TUSC3: variants seen among roughly 807,000 people sequenced by gnomAD.
TUSC3 encodes tumor suppressor candidate 3.
A neutral mutation model predicts 44.8 loss-of-function variants in TUSC3; 45 were observed. The ratio of observed to expected loss-of-function variants is 1.00; its 90% CI spans 0.79 to 1.29. The LOEUF (loss-of-function observed/expected upper bound fraction) is 1.29, where lower values mean the gene tolerates loss of function less well. TUSC3 is among the 50% of genes most tolerant of loss of function. The pLI, the probability that TUSC3 is intolerant of heterozygous loss-of-function variation, is 0.00. For synonymous variants in TUSC3, 212 were observed against 152.9 expected (o/e 1.39, Z -2.85); for missense variants, 519 against 437.9 (o/e 1.19, Z -1.65).
chr8:15,511,193 C>G (rs1055167496), intron 2 of TUSC3, among the ~76,000 whole-genome samples: 3 of 151,880 alleles, frequency 2.0e-5, no homozygotes, highest in African/African-American at 2.4e-5. Context: ...AAGGTTCACT[C>G]TTACTACTCC....
chr8:15,798,671 A>G, the TUSC3 span, among the ~76,000 whole-genome samples: 19 of 151,660 alleles, frequency 1.3e-4, no homozygotes, highest in Non-Finnish European at 2.8e-4. Context: ...TCTTATTTAC[A>G]CCATAAGAAC....
At chr8:15,762,313 T>A (rs934600005) in intron 10 of TUSC3, among the ~76,000 whole-genome samples, 7 of 151,970 alleles carry the variant, frequency 4.6e-5, no homozygotes, top group African/African-American at 7.2e-5. Context: ...TAACAAGTAA[T>A]CAGTTTCAGA....
chr8:15,529,726 T>C (rs1457863017), intron 2 of TUSC3, among the ~76,000 whole-genome samples: 1 of 151,782 alleles, frequency 6.6e-6, no homozygotes, highest in African/African-American at 2.4e-5. Flanking sequence ...TTTAGGGATT[T>C]TCCTCTTATA....
At chr8:15,518,913 T>A (rs1801256765) in intron 2 of TUSC3, among the ~76,000 whole-genome samples, 1 of 152,326 alleles carries the variant, frequency 6.6e-6, no homozygotes, top group East Asian at 1.9e-4. Context: ...TTCTTCTCTA[T>A]TTGAAAATGT....
At chr8:15,449,125 G>T (rs1305016667) in intron 1 of TUSC3, among the ~76,000 whole-genome samples, 2 of 152,150 alleles carry the variant, frequency 1.3e-5, no homozygotes, top group Admixed American at 6.5e-5. Context: ...TGACAAGCTG[G>T]GAAGTGAAGC....
At chr8:15,837,837 T>G in the TUSC3 span, among the ~76,000 whole-genome samples, 1 of 152,222 alleles carries the variant, frequency 6.6e-6, no homozygotes, top group Admixed American at 6.6e-5. Flanking sequence ...ACCCCATCTC[T>G]TCCTGTAGTA....
chr8:15,765,122 G>GT lies in TUSC3; in HGVS notation c.*969dup, dbSNP rs772946538. On this transcript the variant is annotated 3_prime_UTR_variant, in exon 11 of 11. Coordinates refer to ENST00000503731, the MANE Select transcript of TUSC3 (RefSeq NM_006765.4). ...ACTATTATGTTTGTATCCTGTTTTA[G>GT]TTTATAAAGCACTTTCACATACATT... The GT allele has an allele frequency of 1.7e-4, 26 of 152,060 alleles. No homozygotes were observed. Among genetic ancestry groups the GT allele is most frequent in the South Asian group, 4.1e-4 (2 of 4,826 alleles). 9.4% of individuals were successfully genotyped at this position (152,060 alleles called of 1,614,324 possible).
At chr8:15,436,876 C>G (rs1159776927) in intron 1 of TUSC3, among the ~76,000 whole-genome samples, 1 of 152,092 alleles carries the variant, frequency 6.6e-6, no homozygotes, top group East Asian at 1.9e-4. Flanking sequence ...GGTATTTTGA[C>G]TTTTAGGGCA....
At chr8:15,438,865 C>G (rs1034909065) in intron 1 of TUSC3, among the ~76,000 whole-genome samples, 1 of 152,144 alleles carries the variant, frequency 6.6e-6, no homozygotes, top group Non-Finnish European at 1.5e-5. Flanking sequence ...TGGTGGGAAA[C>G]ACACAGTACA....
the TUSC3 span, among the ~76,000 whole-genome samples, chr8:15,819,304 CTTTAA>C: frequency 6.6e-6 from 1 of 152,144 alleles, no homozygotes; most frequent in East Asian, 1.9e-4. Context: ...TGTTCTTATA[CTTTAA>C]TTTTACAGAA....
intron 1 of TUSC3, among the ~76,000 whole-genome samples, chr8:15,589,392 ATAGCATAGGTTAAGAT>A (rs35228153): frequency 0.018 from 2,705 of 152,282 alleles, 78 homozygotes; most frequent in African/African-American, 0.061. Flanking sequence ...GTTGTAGACA[ATAGCATAGGTTAAGAT>A]TAGCATGTGG....
At chr8:15,804,627 G>C in the TUSC3 span, among the ~76,000 whole-genome samples, 1 of 152,106 alleles carries the variant, frequency 6.6e-6, no homozygotes, top group African/African-American at 2.4e-5. Flanking sequence ...AGATAAGATG[G>C]CTATAGGTGC....
At position 15,748,943 on chromosome 8, in the gene TUSC3, G is replaced by A. The variant is rs1454473282; in HGVS notation, c.1028+478G>A. ...TCTGGTCATTATAAATCATCATAAC[G>A]AGTATCTCATAAGATTTTCACCAAC... On this transcript the variant is annotated intron_variant, in intron 9 of 10. Coordinates refer to ENST00000503731, the MANE Select transcript of TUSC3 (RefSeq NM_006765.4). The A allele has an allele frequency of 3.1e-5, 11 of 356,064 alleles. No individual in the cohort carries two copies. In the East Asian group the frequency reaches 4.5e-4, roughly 14 times the overall value. 22.1% of individuals were successfully genotyped at this position (356,064 alleles called of 1,614,324 possible). A position where few individuals can be genotyped will look rare whatever the true frequency, so the allele number is the denominator to read the frequency against.
At chr8:15,806,954 G>A in the TUSC3 span, 3 of 1,465,038 alleles carry the variant, frequency 2.0e-6, no homozygotes, top group Middle Eastern at 1.7e-4. Context: ...TAACTCTCGT[G>A]TTCATCAATC....
chr8:15,425,989 C>T (rs1174603493), intron 1 of TUSC3, among the ~76,000 whole-genome samples: 1 of 152,054 alleles, frequency 6.6e-6, no homozygotes, highest in Non-Finnish European at 1.5e-5. Flanking sequence ...GTACTCAAGC[C>T]TGGACAACAG....
At chr8:15,666,051 C>T (rs1432544336) in intron 5 of TUSC3, among the ~76,000 whole-genome samples, 2 of 151,336 alleles carry the variant, frequency 1.3e-5, no homozygotes, top group African/African-American at 4.8e-5. Flanking sequence ...TACACTAGTA[C>T]ATAATTTCAA....
the TUSC3 span, among the ~76,000 whole-genome samples, chr8:15,838,970 T>A: frequency 6.6e-6 from 1 of 152,196 alleles, no homozygotes; most frequent in South Asian, 2.1e-4. Context: ...TTTCACGATA[T>A]TGATTCTTCC....
chr8:15,846,213 A>G, the TUSC3 span, among the ~76,000 whole-genome samples: 7 of 152,160 alleles, frequency 4.6e-5, no homozygotes, highest in Admixed American at 2.6e-4. Context: ...GGGCAATTCT[A>G]CTTTTTCATT....
chr8:15,464,528 C>G (rs1417751983), intron 1 of TUSC3, among the ~76,000 whole-genome samples: 4 of 152,112 alleles, frequency 2.6e-5, no homozygotes, highest in Admixed American at 2.6e-4. Flanking sequence ...ACACCTGAAA[C>G]AAATATATGT....
Sources: gnomAD v4.1 joint callset for allele counts (sites outside exome capture counted in the v4.1 genomes callset) on GRCh38, gnomAD v4.1.1 for gene constraint, MANE v1.5 for transcripts, NCBI Gene and HGNC (gene_info 2026-07-23, HGNC 2026-07-21) for gene names.